KIF13B: variants seen among roughly 807,000 people sequenced by gnomAD.
KIF13B encodes the protein kinesin family member 13B.
KIF13B carries 127 observed loss-of-function variants against 222.0 expected under a neutral mutation model. The ratio of observed to expected loss-of-function variants is 0.57; its 90% confidence interval spans 0.50 to 0.66. The LOEUF is 0.66. KIF13B is among the 30% of genes least tolerant of loss of function. The pLI is 0.00. For missense variants in KIF13B, 2,173 were observed against 2,379.0 expected, an observed-to-expected ratio of 0.91 and a Z score of 1.80; for synonymous variants, 976 against 919.0, an observed-to-expected ratio of 1.06 and a Z score of -1.12.
intron 2 of KIF13B, among the ~76,000 whole-genome samples, chr8:29,197,336 C>T (rs1359054774): frequency 1.7e-5 from 1 of 57,780 alleles, no homozygotes; most frequent in African/African-American, 7.2e-5. Flanking sequence ...GACTCCGTCT[C>T]AAAAAAAAAA....
intron 2 of KIF13B, among the ~76,000 whole-genome samples, chr8:29,214,057 A>G (rs1403307235): frequency 6.6e-6 from 1 of 152,258 alleles, no homozygotes; most frequent in African/African-American, 2.4e-5. Flanking sequence ...CCATCAATGC[A>G]GTTTGCAGGA....
chr8:29,144,500 C>T (rs1438267101), intron 18 of KIF13B, among the ~76,000 whole-genome samples: 4 of 152,056 alleles, frequency 2.6e-5, no homozygotes, highest in East Asian at 1.9e-4. Flanking sequence ...TCAGGTGATC[C>T]GCCCACCTTG....
chr8:29,134,389 A>G (rs1810472452), intron 21 of KIF13B, among the ~76,000 whole-genome samples, 179 bp from the exon 22 acceptor site: 1 of 152,244 alleles, frequency 6.6e-6, no homozygotes, highest in African/African-American at 2.4e-5. Context: ...AGCAATGATT[A>G]TATTTAGTGA....
At chr8:29,237,343 TTTTA>T (rs1815558022) in intron 2 of KIF13B, among the ~76,000 whole-genome samples, 1 of 152,150 alleles carries the variant, frequency 6.6e-6, no homozygotes, top group Non-Finnish European at 1.5e-5. Flanking sequence ...TAATTAGATA[TTTTA>T]TTTAATATAT....
intron 7 of KIF13B, among the ~76,000 whole-genome samples, chr8:29,180,621 C>T (rs1415013665): frequency 6.6e-6 from 1 of 152,142 alleles, no homozygotes; most frequent in Non-Finnish European, 1.5e-5. Flanking sequence ...ATAAGCAACA[C>T]AAATAACTTA....
intron 10 of KIF13B, among the ~76,000 whole-genome samples, chr8:29,170,443 C>A (rs1716483258): frequency 6.6e-6 from 1 of 152,160 alleles, no homozygotes; most frequent in African/African-American, 2.4e-5. Context: ...TACTATATAA[C>A]AAGGACTAAG....
chr8:29,231,346 A>T (rs558831675), intron 2 of KIF13B, among the ~76,000 whole-genome samples: 1 of 152,360 alleles, frequency 6.6e-6, no homozygotes, highest in South Asian at 2.1e-4. Context: ...TAACTATATT[A>T]AAATGACTAA....
intron 1 of KIF13B, among the ~76,000 whole-genome samples, chr8:29,248,640 A>T (rs1388240853): frequency 2.0e-5 from 3 of 152,178 alleles, no homozygotes; most frequent in Non-Finnish European, 4.4e-5. Context: ...TTTGTCTCCC[A>T]CTGGGTCCCT....
chr8:29,159,348 T>A (rs372794650), intron 13 of KIF13B, among the ~76,000 whole-genome samples: 6 of 152,056 alleles, frequency 3.9e-5, no homozygotes, highest in Non-Finnish European at 8.8e-5. Context: ...CGGAGTTTCA[T>A]CATGTTGGCC....
chr8:29,220,816 A>C (rs1405953276), intron 2 of KIF13B, among the ~76,000 whole-genome samples: 1 of 152,214 alleles, frequency 6.6e-6, no homozygotes, highest in Non-Finnish European at 1.5e-5. Flanking sequence ...TTTAACAAGA[A>C]ATATGAGTAT....
intron 2 of KIF13B, among the ~76,000 whole-genome samples, chr8:29,206,345 C>T (rs902214550): frequency 2.6e-5 from 4 of 152,166 alleles, no homozygotes; most frequent in African/African-American, 9.7e-5. Context: ...ATGTTAGATG[C>T]CATCATTATT....
In KIF13B at chr8:29,069,006, C is replaced by A. The variant is rs1051644717; in HGVS notation, c.*1498G>T. On this transcript the variant is annotated 3_prime_UTR_variant, in exon 40 of 40. Coordinates refer to ENST00000524189, the MANE Select transcript of KIF13B (RefSeq NM_015254.4). ...AGACAACCTGTCCTCGCAGCCAGGG[C>A]TGGGACAGGCCCACCATGGAGACTA... 1 of 152,228 alleles carries A rather than the reference C, an allele frequency of 6.6e-6. No homozygotes were observed. Among genetic ancestry groups the A allele is most frequent in the African/African-American group, 2.4e-5 (1 of 41,454 alleles). The allele number at this position is 152,228 out of a possible 1,614,324, so 9.4% of individuals were successfully genotyped here.
chr8:29,111,300 T>C (rs1586792683), intron 32 of KIF13B, among the ~76,000 whole-genome samples: 1 of 152,252 alleles, frequency 6.6e-6, no homozygotes, highest in East Asian at 1.9e-4. Flanking sequence ...ACAGATATTA[T>C]CCTAATTTTA....
intron 2 of KIF13B, among the ~76,000 whole-genome samples, chr8:29,213,202 C>T (rs758610419): frequency 7.2e-5 from 11 of 152,074 alleles, no homozygotes; most frequent in South Asian, 4.1e-4. Flanking sequence ...TGCTGTGCAT[C>T]GTGGGGTGTG....
intron 3 of KIF13B, among the ~76,000 whole-genome samples, chr8:29,195,165 T>C (rs1586910116): frequency 6.6e-6 from 1 of 151,990 alleles, no homozygotes; most frequent in South Asian, 2.1e-4. Flanking sequence ...GGAGAATTGC[T>C]TGAACCCAGG....
At chr8:29,235,099 C>T (rs77151698) in intron 2 of KIF13B, among the ~76,000 whole-genome samples, 13,627 of 152,000 alleles carry the variant, frequency 0.09, 856 homozygotes, top group Non-Finnish European at 0.13. Context: ...TTTATTCTAC[C>T]GTATAATCCT....
chr8:29,261,557 T>C (rs1816680803), intron 1 of KIF13B, among the ~76,000 whole-genome samples: 2 of 152,230 alleles, frequency 1.3e-5, no homozygotes, highest in South Asian at 2.1e-4. Context: ...TTTAAATTAT[T>C]GTGATGGTAA....
Position 29,180,099 on chromosome 8 carries a change from C to A in KIF13B, c.720+5G>T. The A allele has an allele frequency of 6.2e-7, 1 of 1,613,754 alleles. No individual in the cohort carries two copies. The highest frequency in any genetic ancestry group is 8.5e-7 in the Non-Finnish European group (1 of 1,179,820). On this transcript the variant is annotated splice_donor_5th_base_variant and intron_variant, in intron 8 of 39. Transcript: ENST00000524189. ...TAAAAACAGGTCATGCATCTGAACA[C>A]CTACCCCAGACTTCACATCGTAGAG... is the stretch of plus-strand genomic sequence containing the variant.
rs1314335465 is a variant in KIF13B, at chr8:29,133,120, A to G, written c.2785-655T>C. The stretch of plus-strand genomic sequence containing the variant: ...GGATTAGAAAGAGGCCTCTCTCTTG[A>G]AAGAGATGAAATGGATCAAGTGTGG... On this transcript the variant is annotated intron_variant, in intron 22 of 39. Transcript: ENST00000524189. Among the ~76,000 whole-genome samples the G allele has an allele frequency of 2.0e-5, 3 of 152,214 alleles. No homozygotes were observed. The East Asian group carries it at 5.8e-4, about 29-fold the overall frequency.
Sources: gnomAD v4.1 joint callset for allele counts (sites outside exome capture counted in the v4.1 genomes callset) on GRCh38, gnomAD v4.1.1 for gene constraint, MANE v1.5 for transcripts, NCBI Gene and HGNC (gene_info 2026-07-23, HGNC 2026-07-21) for gene names.